The following GSDMC variants were observed in gnomAD, a reference collection of about 807,000 sequenced individuals.
The protein encoded by GSDMC is gasdermin C.
In GSDMC, 59 loss-of-function variants were observed where a neutral mutation model predicts 58.0. The observed-to-expected ratio is 1.02, with a 90% CI of 0.82 to 1.26. GSDMC has a LOEUF of 1.26. Among genes scored for constraint, GSDMC ranks in the 50% most tolerant of loss-of-function variants. The pLI is 0.00. For synonymous variants in GSDMC, 241 were observed against 220.2 expected (o/e 1.09, Z -0.83); for missense variants, 659 against 598.5 (o/e 1.10, Z -1.06).
At chr8:129,766,965 G>A (rs1001697280) in intron 3 of GSDMC, among the ~76,000 whole-genome samples, 1 of 152,184 alleles carries the variant, frequency 6.6e-6, no homozygotes, top group South Asian at 2.1e-4. Flanking sequence ...ATCACTGCAT[G>A]GATCTTGGCA....
At chr8:129,751,687 C>A (rs1262371356) in intron 9 of GSDMC, 119 bp from the exon 10 acceptor site, 1 of 1,097,858 alleles carries the variant, frequency 9.1e-7, no homozygotes, top group Non-Finnish European at 1.4e-6. Context: ...TCTTCCTGCC[C>A]CCATTCCCAT....
At chr8:129,762,588 C>T (rs746987780) in intron 5 of GSDMC, 38 bp downstream of exon 5, 7 of 1,204,944 alleles carry the variant, frequency 5.8e-6, no homozygotes, top group Middle Eastern at 1.9e-4. Context: ...GACACCCCCT[C>T]CACTGCCATC....
chr8:129,779,468 G>T (rs781458761), intron 1 of GSDMC, among the ~76,000 whole-genome samples: 1 of 152,096 alleles, frequency 6.6e-6, no homozygotes, highest in Non-Finnish European at 1.5e-5. Flanking sequence ...GAGCATGGAG[G>T]GTGGGAGGAG....
chr8:129,713,257 C>A, the GSDMC span, among the ~76,000 whole-genome samples: 1 of 152,212 alleles, frequency 6.6e-6, no homozygotes, highest in African/African-American at 2.4e-5. Flanking sequence ...GCAAAGCCAT[C>A]CTGAAACCTA....
At chr8:129,722,222 G>A in the GSDMC span, among the ~76,000 whole-genome samples, 1 of 152,108 alleles carries the variant, frequency 6.6e-6, no homozygotes, top group Non-Finnish European at 1.5e-5. Context: ...TACGGTGCTC[G>A]GGGAATAGCA....
At chr8:129,744,577 T>C (rs2032925204), downstream of GSDMC, among the ~76,000 whole-genome samples, 1 of 152,194 alleles carries the variant, frequency 6.6e-6, no homozygotes. Flanking sequence ...AAGTAAAAAG[T>C]AGGCAGTGTA....
chr8:129,767,730 A>T (rs1283929325), intron 3 of GSDMC, among the ~76,000 whole-genome samples: 2 of 152,016 alleles, frequency 1.3e-5, no homozygotes, highest in East Asian at 3.9e-4. Context: ...CCCAACTACA[A>T]AGCACAGCCT....
chr8:129,778,594 G>A (rs993978022), intron 1 of GSDMC, among the ~76,000 whole-genome samples: 2 of 152,074 alleles, frequency 1.3e-5, no homozygotes, highest in Non-Finnish European at 2.9e-5. Context: ...TGCAATAAAA[G>A]CAAAAATTGA....
chr8:129,708,127 C>T, the GSDMC span, among the ~76,000 whole-genome samples: 2 of 152,176 alleles, frequency 1.3e-5, no homozygotes, highest in Admixed American at 6.5e-5. Context: ...ACTTACAAAA[C>T]GTAAGTTCAA....
chr8:129,778,451 A>G (rs942997096), intron 1 of GSDMC, among the ~76,000 whole-genome samples: 1 of 152,216 alleles, frequency 6.6e-6, no homozygotes, highest in African/African-American at 2.4e-5. Context: ...ATATTCAAAA[A>G]TCAACTCAAG....
chr8:129,738,440 T>C, the GSDMC span, among the ~76,000 whole-genome samples: 1 of 152,124 alleles, frequency 6.6e-6, no homozygotes, highest in African/African-American at 2.4e-5. Context: ...ATTAAGAAAA[T>C]GTGGTACATA....
chr8:129,756,076 A>C (rs947973742), intron 6 of GSDMC, among the ~76,000 whole-genome samples: 1 of 152,022 alleles, frequency 6.6e-6, no homozygotes, highest in African/African-American at 2.4e-5. Flanking sequence ...TTAAAAAAAA[A>C]AACAAGATTC....
At chr8:129,747,325 G>C (rs1250011037), downstream of GSDMC, among the ~76,000 whole-genome samples, 29 of 151,796 alleles carry the variant, frequency 1.9e-4, no homozygotes, top group Non-Finnish European at 1.5e-5. Flanking sequence ...ACACTCCTTG[G>C]CAATTTACAA....
At chr8:129,734,791 G>A in the GSDMC span, among the ~76,000 whole-genome samples, 1 of 152,100 alleles carries the variant, frequency 6.6e-6, no homozygotes, top group Non-Finnish European at 1.5e-5. Context: ...CATAATGACA[G>A]GATCAAATTC....
intron 1 of GSDMC, among the ~76,000 whole-genome samples, chr8:129,778,780 T>G (rs1343836815): frequency 1.3e-5 from 2 of 148,272 alleles, no homozygotes; most frequent in Non-Finnish European, 3.0e-5. Context: ...AAAAAAAACA[T>G]TAAGAAGTGG....
intron 6 of GSDMC, among the ~76,000 whole-genome samples, chr8:129,756,917 G>A (rs529708331): frequency 6.6e-5 from 10 of 151,994 alleles, no homozygotes; most frequent in African/African-American, 2.4e-4. Context: ...GTACAAAGAG[G>A]CATATTTATA....
chr8:129,773,376 A>C (rs1187048489), intron 3 of GSDMC, among the ~76,000 whole-genome samples: 1 of 152,232 alleles, frequency 6.6e-6, no homozygotes, highest in Non-Finnish European at 1.5e-5. Flanking sequence ...AAATCCTAAA[A>C]ACTTCATTTA....
At chr8:129,715,956 C>T in the GSDMC span, among the ~76,000 whole-genome samples, 1 of 152,016 alleles carries the variant, frequency 6.6e-6, no homozygotes, top group African/African-American at 2.4e-5. Context: ...TTATACTGTA[C>T]ATGAAGTAGT....
At chr8:129,707,542 T>A in the GSDMC span, among the ~76,000 whole-genome samples, 2 of 152,228 alleles carry the variant, frequency 1.3e-5, no homozygotes, top group Non-Finnish European at 1.5e-5. Context: ...TAAGAGCATT[T>A]AACTCAAATG....
Sources: allele counts gnomAD v4.1 joint callset (sites outside exome capture counted in the v4.1 genomes callset), GRCh38; gene constraint gnomAD v4.1.1; transcripts MANE v1.5; gene names NCBI Gene and HGNC (gene_info 2026-07-23, HGNC 2026-07-21).